Variants in PRKG1 observed in about 807,000 individuals in gnomAD.
PRKG1 encodes the protein cGMP-dependent protein kinase 1.
A neutral mutation model predicts 88.1 loss-of-function variants in PRKG1; 35 were observed. The observed-to-expected ratio is 0.40, with a 90% CI of 0.30 to 0.53. PRKG1 has a LOEUF of 0.53. Ranked by LOEUF, PRKG1 falls within the 20% of genes least tolerant of loss-of-function variation. The probability of loss-of-function intolerance (pLI) is 0.59; values close to 1 mark genes in which losing one functional copy is unlikely to be tolerated. For missense variants in PRKG1, 540 were observed against 839.8 expected, an observed-to-expected ratio of 0.64 and a Z score of 4.41; for synonymous variants, 303 against 292.5, an observed-to-expected ratio of 1.04 and a Z score of -0.37.
intron 2 of PRKG1, among the ~76,000 whole-genome samples, chr10:51,302,304 G>A (rs1013072012): frequency 6.6e-6 from 1 of 152,186 alleles, no homozygotes; most frequent in Admixed American, 6.5e-5. Context: ...TTTAGTAAAC[G>A]TGATAATGTA....
intron 2 of PRKG1, among the ~76,000 whole-genome samples, chr10:51,275,588 T>G (rs1215954159): frequency 1.3e-5 from 2 of 152,192 alleles, no homozygotes; most frequent in Non-Finnish European, 2.9e-5. Context: ...TAAATTCAGT[T>G]TAAGAATATA....
At chr10:51,228,658 G>A (rs939034713) in intron 2 of PRKG1, among the ~76,000 whole-genome samples, 2 of 152,160 alleles carry the variant, frequency 1.3e-5, no homozygotes, top group African/African-American at 4.8e-5. Flanking sequence ...GGCATGTGGA[G>A]TTTCTTCTTA....
chr10:51,030,531 A>C (rs1482053694), intron 1 of PRKG1, among the ~76,000 whole-genome samples: 1 of 152,172 alleles, frequency 6.6e-6, no homozygotes, highest in Non-Finnish European at 1.5e-5. Context: ...ACATATTTGC[A>C]AAATTTTCAG....
chr10:51,704,509 C>T (rs1841557366), intron 3 of PRKG1, among the ~76,000 whole-genome samples: 1 of 152,142 alleles, frequency 6.6e-6, no homozygotes, highest in Non-Finnish European at 1.5e-5. Flanking sequence ...ATAGTTCTTC[C>T]ATGTTGCCAT....
intron 2 of PRKG1, among the ~76,000 whole-genome samples, chr10:51,182,062 C>A (rs1414656807): frequency 1.3e-5 from 2 of 152,170 alleles, no homozygotes; most frequent in Non-Finnish European, 2.9e-5. Context: ...GCACAGTTGT[C>A]ATTTTTTTTC....
chr10:51,952,999 C>T (rs11000264), intron 5 of PRKG1, among the ~76,000 whole-genome samples: 33,132 of 152,110 alleles, frequency 0.22, 4,565 homozygotes, highest in East Asian at 0.65. Context: ...TACTTTAATA[C>T]TCATTGTTTC....
intron 2 of PRKG1, among the ~76,000 whole-genome samples, chr10:51,371,613 A>G (rs1156799943): frequency 6.6e-6 from 1 of 152,142 alleles, no homozygotes; most frequent in Non-Finnish European, 1.5e-5. Context: ...TAACACTCCT[A>G]TTCCCATCTG....
At chr10:51,052,933 A>T (rs1270820265) in intron 1 of PRKG1, among the ~76,000 whole-genome samples, 1 of 152,210 alleles carries the variant, frequency 6.6e-6, no homozygotes, top group South Asian at 2.1e-4. Context: ...TAAAATGTAG[A>T]TTTAAAAAAG....
intron 3 of PRKG1, among the ~76,000 whole-genome samples, chr10:51,549,211 C>A (rs1447528285): frequency 1.4e-5 from 2 of 144,808 alleles, no homozygotes; most frequent in African/African-American, 5.2e-5. Flanking sequence ...GCAACCTCTG[C>A]CTCCCAGGTT....
At chr10:51,315,585 G>A (rs574158763) in intron 2 of PRKG1, among the ~76,000 whole-genome samples, 8 of 152,210 alleles carry the variant, frequency 5.3e-5, no homozygotes, top group Admixed American at 1.3e-4. Context: ...CTGACTATCC[G>A]GTTTAATCCT....
chr10:51,220,850 G>T (rs961095649), intron 2 of PRKG1, among the ~76,000 whole-genome samples: 1 of 151,756 alleles, frequency 6.6e-6, no homozygotes, highest in African/African-American at 2.4e-5. Context: ...GGAATGAGGT[G>T]TACTAAAATT....
chr10:51,396,395 G>GA (rs140267547), intron 2 of PRKG1, among the ~76,000 whole-genome samples: 2,445 of 141,760 alleles, frequency 0.017, 19 homozygotes, highest in African/African-American at 0.03. Context: ...AACTGTCACT[G>GA]AAAAAAAAAA....
chr10:51,349,815 G>A (rs1402259383), intron 2 of PRKG1, among the ~76,000 whole-genome samples: 6 of 151,950 alleles, frequency 3.9e-5, no homozygotes, highest in Non-Finnish European at 7.4e-5. Context: ...CCATGTATGT[G>A]TATCTTTAAG....
At chr10:51,478,012 G>A (rs959246667) in intron 3 of PRKG1, among the ~76,000 whole-genome samples, 1 of 152,008 alleles carries the variant, frequency 6.6e-6, no homozygotes, top group Admixed American at 6.6e-5. Context: ...GCTTCTGTTT[G>A]GAGGTATGAC....
chr10:51,808,023 G>A (rs1455583061), intron 4 of PRKG1, among the ~76,000 whole-genome samples: 1 of 152,084 alleles, frequency 6.6e-6, no homozygotes, highest in African/African-American at 2.4e-5. Context: ...CCCCAGGTTA[G>A]CTATACTTGG....
intron 2 of PRKG1, among the ~76,000 whole-genome samples, chr10:51,449,807 C>G (rs1400815998): frequency 2.9e-5 from 1 of 34,402 alleles, no homozygotes; most frequent in East Asian, 2.7e-4. Flanking sequence ...ATAATCTTTA[C>G]CTGTCTGGAA....
At chr10:51,142,895 T>C (rs1251440640) in intron 1 of PRKG1, among the ~76,000 whole-genome samples, 1 of 152,160 alleles carries the variant, frequency 6.6e-6, no homozygotes, top group African/African-American at 2.4e-5. Context: ...ATGTACAATA[T>C]GATGTTTTGA....
At position 51,841,129 on chromosome 10, in the gene PRKG1, T is replaced by A. The variant is rs142335439; in HGVS notation, c.698+36439T>A. 2.4e-3 allele frequency among the ~76,000 whole-genome samples: 359 copies of A among 152,314 alleles called. 1 individual carries two copies. The highest frequency in any genetic ancestry group is 8.3e-3 in the African/African-American group (344 of 41,584). On this transcript the variant is annotated intron_variant, in intron 4 of 17. Transcript: ENST00000373980. ...TTCTAAAATAAGCTCATTACATTTT[T>A]AAAATGCCTCCTGGCCTCTTTGTAA... is the stretch of plus-strand genomic sequence containing the variant.
intron 2 of PRKG1, among the ~76,000 whole-genome samples, chr10:51,461,419 GA>G (rs1306159375): frequency 2.0e-5 from 3 of 151,812 alleles, no homozygotes; most frequent in South Asian, 2.1e-4. Flanking sequence ...AAAAGGTTTA[GA>G]AAAAAAACCT....
Sources: allele counts gnomAD v4.1 joint callset (sites outside exome capture counted in the v4.1 genomes callset), GRCh38; gene constraint gnomAD v4.1.1; transcripts MANE v1.5; gene names NCBI Gene and HGNC (gene_info 2026-07-23, HGNC 2026-07-21).